The following SCARF2 variants were observed in gnomAD, a reference collection of about 807,000 sequenced individuals.
SCARF2 encodes the protein scavenger receptor expressed by endothelial cells 2 protein.
A neutral mutation model predicts 73.4 loss-of-function variants in SCARF2; 39 were observed. The ratio of observed to expected loss-of-function variants is 0.53; its 90% confidence interval spans 0.41 to 0.69. The LOEUF (loss-of-function observed/expected upper bound fraction) is 0.69. Ranked by LOEUF, SCARF2 falls within the 30% of genes least tolerant of loss-of-function variation. The probability of loss-of-function intolerance (pLI) is 0.00; values close to 1 mark genes in which losing one functional copy is unlikely to be tolerated. For synonymous variants in SCARF2, 605 were observed against 590.0 expected (o/e 1.03, Z -0.37); for missense variants, 1,148 against 1,303.5 (o/e 0.88, Z 1.84).
chr22:20,428,327 G>A (rs891713804), intron 9 of SCARF2, among the ~76,000 whole-genome samples: 2 of 139,722 alleles, frequency 1.4e-5, no homozygotes, highest in African/African-American at 5.3e-5. Flanking sequence ...TGCTCTTGTT[G>A]CCCAGGCTGG....
chr22:20,432,639 C>A (rs1204783685), intron 1 of SCARF2, among the ~76,000 whole-genome samples: 1 of 152,182 alleles, frequency 6.6e-6, no homozygotes, highest in Non-Finnish European at 1.5e-5. Context: ...GAGTCCTCCA[C>A]GTGCAGGAGG....
chr22:20,429,499 TGAACC>T lies in SCARF2; in HGVS notation c.1424+32_1424+36del. ...CCGGTGGCACCCAGAGGGTGCGGCC[TGAACC>T]CAGGCGAAAGCGGGGCAGTATCTGG... On this transcript the variant is annotated intron_variant, in intron 8 of 10. Transcript: ENST00000622235. This position sits in a 1 kb window ranked among gnomAD's most constrained non-coding sequence, Gnocchi z 5.2. 1 of 1,608,506 alleles carries T rather than the reference TGAACC, an allele frequency of 6.2e-7. No homozygotes were observed. Among genetic ancestry groups the T allele is most frequent in the Non-Finnish European group, 8.5e-7 (1 of 1,178,612 alleles).
At chr22:20,436,132 T>C (rs1281120445) in intron 1 of SCARF2, among the ~76,000 whole-genome samples, 2 of 152,212 alleles carry the variant, frequency 1.3e-5, no homozygotes, top group Non-Finnish European at 2.9e-5. Context: ...AGAGGTCAAA[T>C]GACTTGCCCA....
chr22:20,434,597 G>A (rs1007766345), intron 1 of SCARF2, among the ~76,000 whole-genome samples: 3 of 152,238 alleles, frequency 2.0e-5, no homozygotes, highest in Non-Finnish European at 4.4e-5. Flanking sequence ...CCCACTCTCT[G>A]AAGATCTTAC....
rs2052564350 is a variant in SCARF2 at position 20,425,594 on chromosome 22, C to A, written c.2382G>T (p.Arg794Ser). The stretch of plus-strand genomic sequence containing the variant: ...CTTTCTGTGGGGGCGCCGGCTTTTC[C>A]CTGGGGCCCTGCGCGCCCAGGGCCA... ...AEVALGAQGP[R>S]EKPAPPQKAK... The change falls in exon 11 of 11, where the codon AGG (arginine) becomes AGT (serine). Residue 794 changes from arginine (R) to serine (S), a missense_variant. Arg to Ser is a moderately radical substitution (Grantham distance 110). Transcript: ENST00000622235. The surrounding 1 kb of genome is among the most constrained non-coding windows in gnomAD (Gnocchi z 4.6). 11 of 1,337,990 alleles carry A rather than the reference C, an allele frequency of 8.2e-6. No individual in the cohort carries two copies. Among genetic ancestry groups the A allele is most frequent in the Non-Finnish European group, 1.0e-5 (11 of 1,048,190 alleles). 82.9% of individuals were successfully genotyped at this position (1,337,990 alleles called of 1,614,324 possible).
At chr22:20,435,935 G>A (rs983915679) in intron 1 of SCARF2, among the ~76,000 whole-genome samples, 1 of 152,242 alleles carries the variant, frequency 6.6e-6, no homozygotes, top group Non-Finnish European at 1.5e-5. Flanking sequence ...GGAAAGGGAA[G>A]GGCTGATGGA....
chr22:20,424,855 C>A lies in SCARF2; in HGVS notation c.*520G>T. The A allele has an allele frequency of 6.5e-6, 1 of 152,754 alleles. No individual in the cohort carries two copies. Among genetic ancestry groups the A allele is most frequent in the Non-Finnish European group, 1.5e-5 (1 of 68,352 alleles). 9.5% of individuals were successfully genotyped at this position (152,754 alleles called of 1,614,324 possible). ...CCCTGAGGAGCGGAGACCAGCCCTC[C>A]TCCCCAGGCTGGGGTCAACCAGATG... On this transcript the variant is annotated 3_prime_UTR_variant, in exon 11 of 11. Transcript: ENST00000622235.
At position 20,425,937 on chromosome 22, in the gene SCARF2, G is replaced by T. The variant is rs1244135038; in HGVS notation, c.2039C>A (p.Ala680Glu). The T allele has an allele frequency of 3.1e-6, 5 of 1,594,788 alleles. No homozygotes were observed. The highest frequency in any genetic ancestry group is 4.6e-5 in the East Asian group (2 of 43,578). Residue 680 changes from alanine to glutamate, a missense_variant, in exon 11 of 11, where the codon GCG becomes GAG. By Grantham distance (107) the Ala-to-Glu change is moderately radical. Around this residue, in one of 5 missense-constraint regions of SCARF2, gnomAD observed 437 missense variants for 433.6 expected, o/e 1.01. Coordinates refer to ENST00000622235, the MANE Select transcript of SCARF2 (RefSeq NM_182895.5). This position sits in a 1 kb window ranked among gnomAD's most constrained non-coding sequence, Gnocchi z 4.6. ...GKHSAAAAGR[A>E]PSPPPPGSEA... ...GGAGCCTGGCGGCGGTGGTGAGGGC[G>T]CACGGCCAGCTGCAGCGGCGCTGTG...
chr22:20,430,931 G>A (rs1569109270), intron 4 of SCARF2, 23 bp from the exon 5 acceptor site: 12 of 1,566,588 alleles, frequency 7.7e-6, no homozygotes, highest in Non-Finnish European at 1.0e-5. Context: ...TCGGAGGCTA[G>A]GGAAGGCTGG....
At position 20,426,893 on chromosome 22, in the gene SCARF2, C is replaced by T. The variant is rs1168702655; in HGVS notation, c.1693+505G>A. 5.3e-5 allele frequency among the ~76,000 whole-genome samples: 8 copies of T among 151,844 alleles called. 1 individual carries two copies. The South Asian group carries it at 1.2e-3, about 24-fold the overall frequency. On this transcript the variant is annotated intron_variant, in intron 10 of 10. Transcript: ENST00000622235. ...AGTGACTGGAGATCATGCCACTGCACTCCAGCCTGGGTGACAGAGGCAGAC... is the reference window on the plus strand; with the variant it reads ...AGTGACTGGAGATCATGCCACTGCATTCCAGCCTGGGTGACAGAGGCAGAC...
rs148669220 is a variant in SCARF2 at position 20,425,950 on chromosome 22, C to G, written c.2026G>C (p.Ala676Pro). The change falls in exon 11 of 11, where the codon GCA becomes CCA. Residue 676 changes from alanine (A) to proline (P), a missense_variant. Ala to Pro is a conservative substitution (Grantham distance 27, BLOSUM62 -1). Transcript: ENST00000622235. This position sits in a 1 kb window ranked among gnomAD's most constrained non-coding sequence, Gnocchi z 4.6. ...SWIHGKHSAA[A>P]AGRAPSPPPP... ...GGTGGTGAGGGCGCACGGCCAGCTG[C>G]AGCGGCGCTGTGCTTGCCGTGGATC... 45 of 1,594,444 alleles carry G rather than the reference C, an allele frequency of 2.8e-5. No individual in the cohort carries two copies. Among genetic ancestry groups the G allele is most frequent in the Middle Eastern group, 3.3e-4 (2 of 6,038 alleles).
At chr22:20,434,311 T>A (rs1476268436) in intron 1 of SCARF2, among the ~76,000 whole-genome samples, 1 of 151,448 alleles carries the variant, frequency 6.6e-6, no homozygotes, top group African/African-American at 2.4e-5. Flanking sequence ...GAGATAGAGA[T>A]AGGAGAGAGA....
Position 20,430,508 on chromosome 22 carries a change from C to T in SCARF2, c.1123G>A (p.Val375Met). 1 of 1,605,508 alleles carries T rather than the reference C, an allele frequency of 6.2e-7. No individual in the cohort carries two copies. Among genetic ancestry groups the T allele is most frequent in the Non-Finnish European group, 8.5e-7 (1 of 1,176,602 alleles). Reference protein sequence around the residue: ...NGTYGEDCAFVCADCGSGHCD... With the variant: ...NGTYGEDCAFMCADCGSGHCD... ...TGTCCGCTGCCGCAGTCGGCGCACACGAAGGCGCAGTCCTCGCCGTAAGTG... is the reference window on the plus strand; with the variant it reads ...TGTCCGCTGCCGCAGTCGGCGCACATGAAGGCGCAGTCCTCGCCGTAAGTG... Residue 375 changes from valine to methionine, a missense_variant, in exon 6 of 11, where the codon GTG becomes ATG. Val to Met is a conservative substitution (Grantham distance 21). This residue lies in a region of SCARF2 where 372 missense variants were observed against 532.0 expected (regional missense o/e 0.70). Transcript: ENST00000622235.
chr22:20,436,724 C>T (rs1048341604), intron 1 of SCARF2, among the ~76,000 whole-genome samples: 1 of 152,198 alleles, frequency 6.6e-6, no homozygotes, highest in Admixed American at 6.5e-5. Context: ...CACACGCCCG[C>T]TCCTCACCCC....
rs1361058782 is a variant in SCARF2, at chr22:20,429,384, G to A, written c.1425-44C>T. On this transcript the variant is annotated intron_variant, in intron 8 of 10. Coordinates refer to ENST00000622235, the MANE Select transcript of SCARF2 (RefSeq NM_182895.5). The surrounding 1 kb of genome is among the most constrained non-coding windows in gnomAD (Gnocchi z 5.2). ...AGCGGAGGGGCGGGGCCGGGGCGGG[G>A]CCCAGGGGCGATTAGATCTCGGCCG... is the stretch of plus-strand genomic sequence containing the variant. The A allele has an allele frequency of 1.9e-6, 3 of 1,561,778 alleles. No homozygotes were observed. The South Asian group carries it at 3.5e-5, about 18-fold the overall frequency.
chr22:20,436,461 A>G (rs1447396435), intron 1 of SCARF2, among the ~76,000 whole-genome samples: 4 of 151,922 alleles, frequency 2.6e-5, no homozygotes, highest in African/African-American at 9.7e-5. Flanking sequence ...GATGCGAAGC[A>G]GATGGCGGGC....
rs1376204313 is a variant in SCARF2, at chr22:20,431,588, C to T, written c.335-51G>A. 1.9e-6 allele frequency: 3 copies of T among 1,544,940 alleles called. No individual in the cohort carries two copies. The South Asian group carries it at 3.6e-5, about 18-fold the overall frequency. ...GAAGGCCCCGGTGCTTGAGTAGGTGCCCCCAGCCAGCCGGAACCTGCCCGC... is the reference window on the plus strand; with the variant it reads ...GAAGGCCCCGGTGCTTGAGTAGGTGTCCCCAGCCAGCCGGAACCTGCCCGC... On this transcript the variant is annotated intron_variant, in intron 3 of 10. Transcript: ENST00000622235.
In SCARF2 at chr22:20,428,285, CTCTCT is replaced by C. The variant is rs373100154; in HGVS notation, c.1541-740_1541-736del. 4.5e-3 allele frequency among the ~76,000 whole-genome samples: 653 copies of C among 145,218 alleles called. 3 individuals are homozygous for C. The highest frequency in any genetic ancestry group is 0.018 in the Middle Eastern group (5 of 284). ...TTCTCTTCTCTTCTCCTCTCCTCTCCTCTCTTCTCTTCTCTTTTTTCTTGACAGTT... is the reference window on the plus strand; with the variant it reads ...TTCTCTTCTCTTCTCCTCTCCTCTCCTCTCTTCTCTTTTTTCTTGACAGTT... On this transcript the variant is annotated intron_variant, in intron 9 of 10. Transcript: ENST00000622235.
chr22:20,425,345 G>T lies in SCARF2; in HGVS notation c.*30C>A. On this transcript the variant is annotated 3_prime_UTR_variant, in exon 11 of 11. Coordinates refer to ENST00000622235, the MANE Select transcript of SCARF2 (RefSeq NM_182895.5). This position sits in a 1 kb window ranked among gnomAD's most constrained non-coding sequence, Gnocchi z 4.6. ...GTGGCGGGCGGCGCTGCGAAGCTGA[G>T]GGAGCTGCGCGCGGACGAGCCACAG... is the stretch of plus-strand genomic sequence containing the variant. 7 of 1,362,526 alleles carry T rather than the reference G, an allele frequency of 5.1e-6. No individual in the cohort carries two copies. Among genetic ancestry groups the T allele is most frequent in the Non-Finnish European group, 6.7e-6 (7 of 1,051,236 alleles). 84.4% of individuals were successfully genotyped at this position (1,362,526 alleles called of 1,614,324 possible). A position where few individuals can be genotyped will look rare whatever the true frequency, so the allele number is the denominator to read the frequency against.
Sources: gnomAD v4.1 joint callset for allele counts (sites outside exome capture counted in the v4.1 genomes callset) on GRCh38, gnomAD v4.1.1 for gene constraint, gnomAD v4.1.1 regional missense constraint, Gnocchi (gnomAD v3.1) non-coding constraint, MANE v1.5 for transcripts, NCBI Gene and HGNC (gene_info 2026-07-23, HGNC 2026-07-21) for gene names.